The following C2CD2 variants were observed in gnomAD, a reference collection of about 807,000 sequenced individuals.
C2CD2 encodes the protein C2 domain-containing protein 2.
C2CD2 carries 43 observed loss-of-function variants against 74.3 expected under a neutral mutation model. The ratio of observed to expected loss-of-function variants is 0.58; its 90% CI spans 0.45 to 0.75. The LOEUF is 0.75. C2CD2 is among the 30% of genes least tolerant of loss of function. C2CD2 has a pLI of 0.00. For missense variants in C2CD2, 801 were observed against 916.3 expected (o/e 0.87, Z 1.63); for synonymous variants, 422 against 390.7 (o/e 1.08, Z -0.94).
chr21:41,900,483 C>CT (rs1349204325), intron 12 of C2CD2, among the ~76,000 whole-genome samples: 1 of 152,052 alleles, frequency 6.6e-6, no homozygotes, highest in Admixed American at 6.5e-5. Flanking sequence ...AACCCAACTA[C>CT]TGGGCCCCGG....
rs780102325 is a variant in C2CD2 at position 41,922,033 on chromosome 21, G to A, written c.431C>T (p.Thr144Met). Residue 144 changes from threonine to methionine, a missense_variant, in exon 3 of 14, where the codon ACG becomes ATG. Transcript: ENST00000380486. ...GQAIQFLVSE[T>M]PALGAGCRLY... ...CCGGCATCCAGCACCCAAGGCAGGC[G>A]TCTCGCTGACCAAGAACTGAATAGC... 30 of 1,614,072 alleles carry A rather than the reference G, an allele frequency of 1.9e-5. No homozygotes were observed. The East Asian group carries it at 3.6e-4, about 19-fold the overall frequency.
intron 2 of C2CD2, among the ~76,000 whole-genome samples, chr21:41,935,238 T>A (rs2065297280): frequency 6.6e-6 from 1 of 152,142 alleles, no homozygotes. Context: ...GGAATTTTAG[T>A]AACATGGGGG....
At chr21:41,949,041 G>A (rs562584509) in intron 1 of C2CD2, among the ~76,000 whole-genome samples, 373 of 152,060 alleles carry the variant, frequency 2.5e-3, no homozygotes, top group Non-Finnish European at 3.8e-3. Context: ...CAGGTGGGCC[G>A]CTACCAGACA....
chr21:41,906,739 C>T (rs80099155), intron 10 of C2CD2, among the ~76,000 whole-genome samples: 5,712 of 152,290 alleles, frequency 0.038, 217 homozygotes, highest in East Asian at 0.21. Flanking sequence ...TAGATTTTAG[C>T]TTCAGAATAT....
At chr21:41,901,886 A>C (rs943705773) in intron 11 of C2CD2, 137 bp from the exon 12 acceptor site, 27 of 754,706 alleles carry the variant, frequency 3.6e-5, no homozygotes, top group Non-Finnish European at 5.6e-5. Context: ...TCAATTGTTT[A>C]GGCTTTGTTG....
intron 1 of C2CD2, among the ~76,000 whole-genome samples, chr21:41,949,086 C>A (rs1269633954): frequency 6.6e-6 from 1 of 151,904 alleles, no homozygotes; most frequent in Non-Finnish European, 1.5e-5. Context: ...ACAGGCCTCG[C>A]TTCGGGACAG....
At position 41,953,731 on chromosome 21, in the gene C2CD2, G is replaced by A. The variant is rs2065470564; in HGVS notation, c.-83C>T. 9 of 1,218,150 alleles carry A rather than the reference G, an allele frequency of 7.4e-6. No homozygotes were observed. The highest frequency in any genetic ancestry group is 9.3e-6 in the Non-Finnish European group (9 of 969,530). The allele number at this position is 1,218,150 out of a possible 1,614,324, so 75.5% of individuals were successfully genotyped here. On this transcript the variant is annotated 5_prime_UTR_variant, in exon 1 of 14. Coordinates refer to ENST00000380486, the MANE Select transcript of C2CD2 (RefSeq NM_015500.2). ...GGACTCAGGACACGCGCTGGCTGCG[G>A]CCACAGCGCGCTGGGGGCGTGGAGG...
At chr21:41,902,108 G>A (rs187897858) in intron 11 of C2CD2, among the ~76,000 whole-genome samples, 2 of 152,328 alleles carry the variant, frequency 1.3e-5, no homozygotes, top group Admixed American at 1.3e-4. Flanking sequence ...ACTCACTGAA[G>A]TGTCTGCTTA....
rs956804526 is a variant in C2CD2 at position 41,945,338 on chromosome 21, G to C, written c.280-3093C>G. Among the ~76,000 whole-genome samples, 1 of 152,234 alleles carries C rather than the reference G, an allele frequency of 6.6e-6. No homozygotes were observed. The highest frequency in any genetic ancestry group is 3.4e-3 in the Middle Eastern group (1 of 294). On this transcript the variant is annotated intron_variant, in intron 1 of 13. Transcript: ENST00000380486. The surrounding 1 kb of genome is among the most constrained non-coding windows in gnomAD (Gnocchi z 4.2). The stretch of plus-strand genomic sequence containing the variant: ...GTTTGCTATTGCTGAACACTGAAGG[G>C]GAGCAATGAGAACCAAGAGGTAATG...
rs1555906756 is a variant in C2CD2 at position 41,947,112 on chromosome 21, T to TTCTCTCCCTCTCTCTCTCTCTCTCTC, written c.280-4868_280-4867insGAGAGAGAGAGAGAGAGAGGGAGAGA. 4.8e-3 allele frequency among the ~76,000 whole-genome samples: 126 copies of TTCTCTCCCTCTCTCTCTCTCTCTCTC among 26,200 alleles called. 18 individuals carry two copies. The highest frequency in any genetic ancestry group is 0.014 in the South Asian group (13 of 926). 17.2% of individuals were successfully genotyped at this position (26,200 alleles called of 152,430 possible). The stretch of plus-strand genomic sequence containing the variant: ...TTTCTTTCTTTCTTTCCTTTCTCTT[T>TTCTCTCCCTCTCTCTCTCTCTCTCTC]TCTCTCTCTCTCTCTCTCTCTCTCT... On this transcript the variant is annotated intron_variant, in intron 1 of 13. Coordinates refer to ENST00000380486, the MANE Select transcript of C2CD2 (RefSeq NM_015500.2).
At position 41,899,047 on chromosome 21, in the gene C2CD2, A is replaced by T. The variant is rs2064858078; in HGVS notation, c.1870+6T>A. On this transcript the variant is annotated splice_donor_region_variant and intron_variant, in intron 13 of 13. Transcript: ENST00000380486. The surrounding 1 kb of genome is among the most constrained non-coding windows in gnomAD (Gnocchi z 4.4). ...GGCCCGGGATGGGGGGCTCGGGAGC[A>T]GGTACCTTTATGCTTTTTGGCAGTG... 1 of 1,602,444 alleles carries T rather than the reference A, an allele frequency of 6.2e-7. No individual in the cohort carries two copies. Among genetic ancestry groups the T allele is most frequent in the South Asian group, 1.1e-5 (1 of 90,792 alleles).
At chr21:41,915,978 T>C (rs1176396059) in intron 5 of C2CD2, among the ~76,000 whole-genome samples, 1 of 152,194 alleles carries the variant, frequency 6.6e-6, no homozygotes, top group East Asian at 1.9e-4. Flanking sequence ...GACTGAGCAC[T>C]GATTTGACTG....
rs1446634971 is a variant in C2CD2, at chr21:41,929,320, T to G, written c.379-7235A>C. Among the ~76,000 whole-genome samples, 3 of 152,110 alleles carry G rather than the reference T, an allele frequency of 2.0e-5. No individual in the cohort carries two copies. Among genetic ancestry groups the G allele is most frequent in the Admixed American group, 6.5e-5 (1 of 15,268 alleles). On this transcript the variant is annotated intron_variant, in intron 2 of 13. Coordinates refer to ENST00000380486, the MANE Select transcript of C2CD2 (RefSeq NM_015500.2). The surrounding 1 kb of genome is among the most constrained non-coding windows in gnomAD (Gnocchi z 4.6). ...CTTCTGACACAGGAGCATGGTGAGC[T>G]CTCATGAGAAGGGATACAAGCTCTA...
In C2CD2 at chr21:41,889,206, G is replaced by A; in HGVS notation, c.2009C>T (p.Thr670Ile). 1 of 1,613,608 alleles carries A rather than the reference G, an allele frequency of 6.2e-7. No homozygotes were observed. The change falls in exon 14 of 14, where the codon ACC becomes ATC. Residue 670 changes from threonine (T) to isoleucine (I), a missense_variant. Thr to Ile is a moderately conservative substitution (Grantham distance 89, BLOSUM62 -1). Transcript: ENST00000380486. ...GAGCAGCTTCTTGTTCAGGATCCTGGTGAGGGTGATGCCTTTCCTCCGGGA... is the reference window on the plus strand; with the variant it reads ...GAGCAGCTTCTTGTTCAGGATCCTGATGAGGGTGATGCCTTTCCTCCGGGA... ...EGSRRKGITL[T>I]RILNKKLLSR... is the part of the protein sequence containing the mutation.
intron 5 of C2CD2, among the ~76,000 whole-genome samples, chr21:41,916,181 C>A (rs1460783177): frequency 6.6e-6 from 1 of 152,156 alleles, no homozygotes; most frequent in East Asian, 1.9e-4. Flanking sequence ...TTGTCTGGGA[C>A]AGAGATGAAA....
At chr21:41,907,885 C>T (rs1049368507) in intron 8 of C2CD2, 101 bp from the exon 9 acceptor site, 51 of 1,243,696 alleles carry the variant, frequency 4.1e-5, no homozygotes, top group Non-Finnish European at 5.9e-5. Flanking sequence ...ACGCTCCTCC[C>T]GTGCATCCAG....
chr21:41,933,660 CCCTT>C (rs1403967699), intron 2 of C2CD2, among the ~76,000 whole-genome samples: 1 of 152,240 alleles, frequency 6.6e-6, no homozygotes, highest in Non-Finnish European at 1.5e-5. Context: ...TCCCAACTGA[CCCTT>C]CCCAGGAGCC....
rs574856433 is a variant in C2CD2, at chr21:41,946,403, C to A, written c.280-4158G>T. Among the ~76,000 whole-genome samples, 10 of 152,284 alleles carry A rather than the reference C, an allele frequency of 6.6e-5. No homozygotes were observed. The South Asian group carries it at 2.1e-3, about 32-fold the overall frequency. The stretch of plus-strand genomic sequence containing the variant: ...GGGAGTTCTCATGAATGGCCTAGCA[C>A]CATCTCCCCTTGGTGCTGTACAGTG... On this transcript the variant is annotated intron_variant, in intron 1 of 13. Coordinates refer to ENST00000380486, the MANE Select transcript of C2CD2 (RefSeq NM_015500.2).
chr21:41,940,724 G>A (rs774560521), intron 2 of C2CD2, among the ~76,000 whole-genome samples: 65 of 152,210 alleles, frequency 4.3e-4, no homozygotes, highest in Non-Finnish European at 7.3e-5. Context: ...ATACACATAT[G>A]GGAAATGTAC....
Sources: allele counts gnomAD v4.1 joint callset (sites outside exome capture counted in the v4.1 genomes callset), GRCh38; gene constraint gnomAD v4.1.1; non-coding constraint Gnocchi (gnomAD v3.1); transcripts MANE v1.5; gene names NCBI Gene and HGNC (gene_info 2026-07-23, HGNC 2026-07-21).